The following PSD3 variants were observed in gnomAD, a reference collection of about 807,000 sequenced individuals.
PSD3 encodes PH and SEC7 domain-containing protein 3.
PSD3 carries 49 observed loss-of-function variants against 105.5 expected under a neutral mutation model. The ratio of observed to expected loss-of-function variants is 0.46; its 90% CI spans 0.37 to 0.59. The LOEUF (loss-of-function observed/expected upper bound fraction) is 0.59, where lower values mean the gene tolerates loss of function less well. Among genes scored for constraint, PSD3 ranks in the 20% least tolerant of loss-of-function variants. The pLI is 0.00. For missense variants in PSD3, 1,561 were observed against 1,263.8 expected (o/e 1.24, Z -3.57); for synonymous variants, 557 against 457.8 (o/e 1.22, Z -2.77).
Position 18,533,277 on chromosome 8 carries a change from G to T in PSD3, c.*2466C>A, listed in dbSNP as rs778241384. On this transcript the variant is annotated 3_prime_UTR_variant, in exon 16 of 16. Transcript: ENST00000327040. ...GGGAAGAGGTGTTCTCAGCCCATGCGCTAAAGATGGACAGCATCATGCTAC... is the reference window on the plus strand; with the variant it reads ...GGGAAGAGGTGTTCTCAGCCCATGCTCTAAAGATGGACAGCATCATGCTAC... 4 of 152,280 alleles carry T rather than the reference G, an allele frequency of 2.6e-5. No individual in the cohort carries two copies. Among genetic ancestry groups the T allele is most frequent in the South Asian group, 2.1e-4 (1 of 4,814 alleles). 9.4% of individuals were successfully genotyped at this position (152,280 alleles called of 1,614,324 possible). A position where few individuals can be genotyped will look rare whatever the true frequency, so the allele number is the denominator to read the frequency against.
At chr8:18,654,735 G>A (rs4921944) in intron 10 of PSD3, among the ~76,000 whole-genome samples, 38,533 of 151,918 alleles carry the variant, frequency 0.25, 5,152 homozygotes, top group South Asian at 0.43. Flanking sequence ...ATTGGCATTG[G>A]ATAAGCTCCT....
At chr8:18,638,106 G>C (rs1484433362) in intron 10 of PSD3, among the ~76,000 whole-genome samples, 5 of 135,196 alleles carry the variant, frequency 3.7e-5, no homozygotes, top group Non-Finnish European at 7.6e-5. Context: ...AGTGAGCTAA[G>C]ATCACGCCAC....
intron 12 of PSD3, among the ~76,000 whole-genome samples, chr8:18,591,712 T>C (rs1207605005): frequency 2.0e-5 from 3 of 152,172 alleles, no homozygotes; most frequent in African/African-American, 7.2e-5. Context: ...TCCAGCATTC[T>C]GGCTTTTTGG....
chr8:18,924,542 T>G (rs143395264), intron 2 of PSD3: 1 of 152,214 alleles, frequency 6.6e-6, no homozygotes, highest in Non-Finnish European at 1.5e-5. Context: ...ATTAGCAGAT[T>G]TGTCATTTCT....
At chr8:18,710,481 G>A (rs1802185162) in intron 9 of PSD3, among the ~76,000 whole-genome samples, 1 of 152,056 alleles carries the variant, frequency 6.6e-6, no homozygotes, top group Non-Finnish European at 1.5e-5. Context: ...TTCACATTGA[G>A]GAAACCCAGA....
intron 9 of PSD3, among the ~76,000 whole-genome samples, chr8:18,740,694 C>T (rs1332589341): frequency 6.6e-6 from 1 of 152,180 alleles, no homozygotes; most frequent in Non-Finnish European, 1.5e-5. Context: ...TGAAATGACC[C>T]TACCAGGTAC....
chr8:18,927,833 C>T (rs1024674051), intron 2 of PSD3, among the ~76,000 whole-genome samples: 3 of 152,154 alleles, frequency 2.0e-5, no homozygotes, highest in African/African-American at 7.2e-5. Flanking sequence ...GAGGTGTATG[C>T]CAGGAAATGG....
Position 18,936,172 on chromosome 8 carries a change from T to C in PSD3, c.22-30A>G, listed in dbSNP as rs371991539. 63 of 1,442,672 alleles carry C rather than the reference T, an allele frequency of 4.4e-5. No individual in the cohort carries two copies. The African/African-American group carries it at 7.0e-4, about 16-fold the overall frequency. The allele number at this position is 1,442,672 out of a possible 1,614,324, so 89.4% of individuals were successfully genotyped here. ...AAAATAAGAACAAAACAAAGACACA[T>C]TTAAAATACATCATTAAAAAACACA... On this transcript the variant is annotated intron_variant, in intron 1 of 15. Coordinates refer to ENST00000327040, the MANE Select transcript of PSD3 (RefSeq NM_015310.4).
intron 9 of PSD3, among the ~76,000 whole-genome samples, chr8:18,721,960 G>A (rs1043435294): frequency 6.6e-6 from 1 of 152,062 alleles, no homozygotes; most frequent in Non-Finnish European, 1.5e-5. Flanking sequence ...GTAATGCCAC[G>A]TAATTTAAAG....
chr8:19,074,528 T>C (rs1183902238), intron 1 of PSD3, among the ~76,000 whole-genome samples: 1 of 150,672 alleles, frequency 6.6e-6, no homozygotes, highest in East Asian at 1.9e-4. Context: ...ACATGTAGTC[T>C]ACTATTTTTA....
At chr8:19,054,242 A>G (rs1375616696) in intron 1 of PSD3, among the ~76,000 whole-genome samples, 1 of 152,228 alleles carries the variant, frequency 6.6e-6, no homozygotes, top group African/African-American at 2.4e-5. Flanking sequence ...ATCCTCCCAC[A>G]GCTCAGAAAC....
At chr8:18,855,776 G>T (rs902800) in intron 4 of PSD3, among the ~76,000 whole-genome samples, 1 of 152,282 alleles carries the variant, frequency 6.6e-6, no homozygotes, top group South Asian at 2.1e-4. Context: ...ACTTCACTAC[G>T]TAGGGAAGGA....
rs374901315 is a variant in PSD3 at position 18,872,429 on chromosome 8, G to A, written c.435C>T (p.Ile145=). 256 of 1,614,060 alleles carry A rather than the reference G, an allele frequency of 1.6e-4. No individual in the cohort carries two copies. The highest frequency in any genetic ancestry group is 1.8e-4 in the Non-Finnish European group (214 of 1,180,048). ...TTGTAGCCTGTAATGTTCCGGAAATGATTCTGGCTTCTGTGGCTTTCAGAG... is the reference window on the plus strand; with the variant it reads ...TTGTAGCCTGTAATGTTCCGGAAATAATTCTGGCTTCTGTGGCTTTCAGAG... ...ISALKATEAR[I]ISGTLQATKV... Residue 145 remains isoleucine (I), a synonymous_variant, in exon 3 of 16, where the codon ATC becomes ATT. Transcript: ENST00000327040.
At chr8:18,870,629 T>C (rs994787421) in intron 3 of PSD3, among the ~76,000 whole-genome samples, 3 of 150,846 alleles carry the variant, frequency 2.0e-5, no homozygotes, top group Non-Finnish European at 4.4e-5. Context: ...TGTATACTTA[T>C]GTAACAAACC....
chr8:18,622,993 T>C (rs1806222440), intron 11 of PSD3, among the ~76,000 whole-genome samples: 1 of 152,208 alleles, frequency 6.6e-6, no homozygotes, highest in Non-Finnish European at 1.5e-5. Context: ...AGATTTTAAA[T>C]TATTAATTAT....
intron 4 of PSD3, among the ~76,000 whole-genome samples, chr8:18,842,114 AAAGT>A (rs1226792676): frequency 1.3e-5 from 2 of 152,124 alleles, no homozygotes; most frequent in Non-Finnish European, 2.9e-5. Context: ...CAAGAAGCAA[AAAGT>A]ACCTACTGCT....
chr8:18,925,094 T>A (rs1396731814), intron 2 of PSD3, among the ~76,000 whole-genome samples: 1 of 152,210 alleles, frequency 6.6e-6, no homozygotes, highest in African/African-American at 2.4e-5. Flanking sequence ...GGGGCTTGTA[T>A]ACAGATTATA....
At chr8:18,692,242 T>C (rs756940059) in intron 9 of PSD3, among the ~76,000 whole-genome samples, 4 of 152,208 alleles carry the variant, frequency 2.6e-5, no homozygotes, top group Non-Finnish European at 4.4e-5. Context: ...CTCTTCCCAC[T>C]GAGCTGACAC....
In PSD3 at chr8:18,632,901, T is replaced by C. The variant is rs576653533; in HGVS notation, c.2217-95A>G. 5.4e-4 allele frequency: 521 copies of C among 971,134 alleles called. 6 individuals are homozygous for C. The East Asian group carries it at 0.013, about 25-fold the overall frequency. 60.2% of individuals were successfully genotyped at this position (971,134 alleles called of 1,614,324 possible). A position where few individuals can be genotyped will look rare whatever the true frequency, so the allele number is the denominator to read the frequency against. On this transcript the variant is annotated intron_variant, in intron 10 of 15. Coordinates refer to ENST00000327040, the MANE Select transcript of PSD3 (RefSeq NM_015310.4). ...TGTAAAAAACTACATTGTATTCCAA[T>C]GGTGTATCACTTTTTATAACCACCA... is the stretch of plus-strand genomic sequence containing the variant.
Sources: allele counts gnomAD v4.1 joint callset (sites outside exome capture counted in the v4.1 genomes callset), GRCh38; gene constraint gnomAD v4.1.1; transcripts MANE v1.5; gene names NCBI Gene and HGNC (gene_info 2026-07-23, HGNC 2026-07-21).